The following GMDS variants were observed in gnomAD, a reference collection of about 807,000 sequenced individuals.
GMDS encodes the protein GDP-mannose 4,6 dehydratase.
In GMDS, 20 loss-of-function variants were observed where a neutral mutation model predicts 49.9. The ratio of observed to expected loss-of-function variants is 0.40; its 90% CI spans 0.28 to 0.58. The LOEUF (loss-of-function observed/expected upper bound fraction) is 0.58, where lower values mean the gene tolerates loss of function less well. Among genes scored for constraint, GMDS ranks in the 20% least tolerant of loss-of-function variants. The pLI is 0.42. For missense variants in GMDS, 362 were observed against 481.4 expected (o/e 0.75, Z 2.32); for synonymous variants, 177 against 178.6 (o/e 0.99, Z 0.07).
intron 7 of GMDS, among the ~76,000 whole-genome samples, chr6:1,912,296 G>A (rs576732456): frequency 2.0e-4 from 31 of 152,164 alleles, no homozygotes; most frequent in Non-Finnish European, 3.7e-4. Context: ...ATCCCAGGAG[G>A]CAGAGGTTGC....
intron 4 of GMDS, among the ~76,000 whole-genome samples, chr6:2,047,201 T>C (rs1770072080): frequency 6.6e-6 from 1 of 152,256 alleles, no homozygotes; most frequent in South Asian, 2.1e-4. Context: ...ACACTTGATA[T>C]AATCCACTGG....
chr6:2,140,874 G>A (rs1012104841), intron 1 of GMDS, among the ~76,000 whole-genome samples: 2 of 152,208 alleles, frequency 1.3e-5, no homozygotes, highest in African/African-American at 4.8e-5. Context: ...TGCTTTGGAA[G>A]ATAAAACATG....
At position 1,863,996 on chromosome 6, in the gene GMDS, GATACAATTA is replaced by G. The variant is rs1444616993; in HGVS notation, c.771+66098_771+66106del. ...CAAAAAAGTGTGGCCATTTTCAATT[GATACAATTA>G]ATTTCTCTAAGAGGGGTGGGTCATA... On this transcript the variant is annotated intron_variant, in intron 7 of 10. Coordinates refer to ENST00000380815, the MANE Select transcript of GMDS (RefSeq NM_001500.4). Among the ~76,000 whole-genome samples the G allele has an allele frequency of 5.9e-5, 9 of 152,090 alleles. No individual in the cohort carries two copies. The East Asian group carries it at 1.7e-3, about 29-fold the overall frequency.
chr6:1,665,939 A>G (rs945481930), intron 9 of GMDS, among the ~76,000 whole-genome samples: 1 of 152,212 alleles, frequency 6.6e-6, no homozygotes, highest in African/African-American at 2.4e-5. Context: ...GTTGAGTCCT[A>G]TAATACATAG....
chr6:2,032,254 C>T (rs921891128), intron 4 of GMDS, among the ~76,000 whole-genome samples: 1 of 152,126 alleles, frequency 6.6e-6, no homozygotes. Context: ...TCTCTGTAAT[C>T]AATGTCAAGC....
intron 9 of GMDS, among the ~76,000 whole-genome samples, chr6:1,708,024 A>C (rs893873641): frequency 6.6e-6 from 1 of 152,234 alleles, no homozygotes; most frequent in Admixed American, 6.5e-5. Context: ...TTTCTGGAGT[A>C]AGGTAAGGTA....
chr6:2,227,648 C>T (rs534589735), intron 1 of GMDS, among the ~76,000 whole-genome samples: 2 of 152,160 alleles, frequency 1.3e-5, no homozygotes, highest in African/African-American at 4.8e-5. Context: ...GAGTGAGGTG[C>T]CAATTGTGGC....
At chr6:2,107,755 C>A (rs763545129) in intron 4 of GMDS, among the ~76,000 whole-genome samples, 13 of 152,186 alleles carry the variant, frequency 8.5e-5, no homozygotes, top group Non-Finnish European at 1.5e-4. Context: ...TTGCTCCAAG[C>A]ACCTACTCAC....
rs149152215 is a variant in GMDS, at chr6:1,880,245, T to C, written c.771+49858A>G. Among the ~76,000 whole-genome samples the C allele has an allele frequency of 3.7e-3, 491 of 133,260 alleles. 6 individuals are homozygous for C. The highest frequency in any genetic ancestry group is 0.014 in the African/African-American group (468 of 33,376). The allele number at this position is 133,260 out of a possible 152,430, so 87.4% of individuals were successfully genotyped here. On this transcript the variant is annotated intron_variant, in intron 7 of 10. Coordinates refer to ENST00000380815, the MANE Select transcript of GMDS (RefSeq NM_001500.4). ...GGAGGACTGCTTGAAGCCAGGAGTT[T>C]AAGACCAGCCTGAACAATGAAACGA...
chr6:2,091,431 G>T (rs535433323), intron 4 of GMDS, among the ~76,000 whole-genome samples: 1 of 152,282 alleles, frequency 6.6e-6, no homozygotes, highest in East Asian at 1.9e-4. Context: ...AATGTGACTG[G>T]ACAATGGAAC....
At chr6:1,865,936 TACCAACA>T (rs909784688) in intron 7 of GMDS, among the ~76,000 whole-genome samples, 1 of 152,130 alleles carries the variant, frequency 6.6e-6, no homozygotes, top group African/African-American at 2.4e-5. Flanking sequence ...CCCCACACCC[TACCAACA>T]CAGAAAAACA....
At chr6:2,074,530 T>C (rs916124681) in intron 4 of GMDS, among the ~76,000 whole-genome samples, 4 of 152,222 alleles carry the variant, frequency 2.6e-5, no homozygotes, top group Non-Finnish European at 5.9e-5. Flanking sequence ...GCCATTTGTC[T>C]ATTTTTGTTT....
In GMDS at chr6:1,873,292, T is replaced by C. The variant is rs1477663290; in HGVS notation, c.771+56811A>G. ...CTGCCTGTCAGACGGTGTTTGCATT[T>C]GACCTCCTCCCACCGCTTCTCCTTC... On this transcript the variant is annotated intron_variant, in intron 7 of 10. Coordinates refer to ENST00000380815, the MANE Select transcript of GMDS (RefSeq NM_001500.4). 3.9e-5 allele frequency among the ~76,000 whole-genome samples: 6 copies of C among 152,352 alleles called. No individual in the cohort carries two copies. In the South Asian group the frequency reaches 1.0e-3, roughly 26 times the overall value.
chr6:2,087,201 G>A (rs972857934), intron 4 of GMDS, among the ~76,000 whole-genome samples: 3 of 152,160 alleles, frequency 2.0e-5, no homozygotes, highest in Non-Finnish European at 4.4e-5. Flanking sequence ...AGATTAGATG[G>A]ACAAGGAAAG....
intron 4 of GMDS, among the ~76,000 whole-genome samples, chr6:1,975,799 G>C (rs1196969400): frequency 6.6e-6 from 1 of 152,154 alleles, no homozygotes; most frequent in Admixed American, 6.5e-5. Flanking sequence ...TCAGAGTACT[G>C]AATATCCTCA....
At chr6:1,822,374 A>C (rs1343361058) in intron 7 of GMDS, among the ~76,000 whole-genome samples, 2 of 152,224 alleles carry the variant, frequency 1.3e-5, no homozygotes, top group Non-Finnish European at 2.9e-5. Context: ...TTTAGGTCAC[A>C]TATCCCTGGT....
chr6:2,178,424 A>G (rs909954152), intron 1 of GMDS, among the ~76,000 whole-genome samples: 1 of 152,108 alleles, frequency 6.6e-6, no homozygotes, highest in African/African-American at 2.4e-5. Context: ...GAGGTGCCAC[A>G]TGCTTTAAAC....
intron 1 of GMDS, among the ~76,000 whole-genome samples, chr6:2,208,094 T>C (rs234916): frequency 0.97 from 146,747 of 151,912 alleles, 70,946 homozygotes; most frequent in Middle Eastern, 1. Context: ...GGTGAAGCTG[T>C]GCATAAGTTA....
intron 1 of GMDS, among the ~76,000 whole-genome samples, chr6:2,236,560 A>G (rs1050024880): frequency 3.9e-5 from 6 of 152,208 alleles, no homozygotes; most frequent in Non-Finnish European, 8.8e-5. Flanking sequence ...ACGTTTATCA[A>G]TATTGATCAC....
Sources: gnomAD v4.1 joint callset for allele counts (sites outside exome capture counted in the v4.1 genomes callset) on GRCh38, gnomAD v4.1.1 for gene constraint, MANE v1.5 for transcripts, NCBI Gene and HGNC (gene_info 2026-07-23, HGNC 2026-07-21) for gene names.